The following APBB1IP variants were observed in gnomAD, a reference collection of about 807,000 sequenced individuals.
APBB1IP encodes the protein amyloid beta A4 precursor protein-binding family B member 1-interacting protein.
Under a neutral mutation model 64.9 loss-of-function variants are expected in APBB1IP, and 27 were observed. That is an observed-to-expected ratio of 0.42 (90% confidence interval 0.31 to 0.57). The LOEUF (loss-of-function observed/expected upper bound fraction) is 0.57, where lower values mean the gene tolerates loss of function less well. Ranked by LOEUF, APBB1IP falls within the 20% of genes least tolerant of loss-of-function variation. The pLI is 0.20. For synonymous variants in APBB1IP, 392 were observed against 331.0 expected (o/e 1.18, Z -2.00); for missense variants, 812 against 845.5 (o/e 0.96, Z 0.49).
chr10:26,445,334 A>G lies in APBB1IP; in HGVS notation c.-1+6481A>G, dbSNP rs147668418. 6.8e-3 allele frequency among the ~76,000 whole-genome samples: 1,030 copies of G among 152,360 alleles called. 8 individuals carry two copies. The highest frequency in any genetic ancestry group is 0.024 in the African/African-American group (978 of 41,586). ...AGCTAATCAGCAATTTTCTACCTCC[A>G]TAATAATCAAAACAATGGAAATTAT... On this transcript the variant is annotated intron_variant, in intron 2 of 14. Transcript: ENST00000376236.
rs142122381 is a variant in APBB1IP at position 26,506,654 on chromosome 10, C to T, written c.531+3380C>T. On this transcript the variant is annotated intron_variant, in intron 6 of 14. Transcript: ENST00000376236. ...GCCTGGCCTACTTTACTTATTTGTC[C>T]TATGTATTGCCCGTATCCCCTCCCC... is the stretch of plus-strand genomic sequence containing the variant. Among the ~76,000 whole-genome samples, 129 of 152,134 alleles carry T rather than the reference C, an allele frequency of 8.5e-4. 1 individual carries two copies. The highest frequency in any genetic ancestry group is 3.0e-3 in the African/African-American group (125 of 41,506).
At chr10:26,482,519 C>T (rs990062263) in intron 2 of APBB1IP, among the ~76,000 whole-genome samples, 2 of 152,166 alleles carry the variant, frequency 1.3e-5, no homozygotes, top group Admixed American at 6.6e-5. Flanking sequence ...ACAGTTTCCA[C>T]CAGCATTTGC....
At chr10:26,480,850 C>T (rs1385725843) in intron 2 of APBB1IP, among the ~76,000 whole-genome samples, 1 of 151,940 alleles carries the variant, frequency 6.6e-6, no homozygotes, top group Non-Finnish European at 1.5e-5. Flanking sequence ...AAAATAAAGA[C>T]AAGTAGGGGA....
chr10:26,549,935 T>G (rs1254908623), intron 11 of APBB1IP, among the ~76,000 whole-genome samples: 1 of 152,054 alleles, frequency 6.6e-6, no homozygotes, highest in Non-Finnish European at 1.5e-5. Context: ...AGATGCATCA[T>G]TAGATTGTTT....
At chr10:26,499,610 T>A (rs1238947942) in intron 4 of APBB1IP, among the ~76,000 whole-genome samples, 1 of 152,162 alleles carries the variant, frequency 6.6e-6, no homozygotes, top group Non-Finnish European at 1.5e-5. Context: ...GTTCATTACA[T>A]TCACTATATA....
intron 2 of APBB1IP, among the ~76,000 whole-genome samples, chr10:26,470,790 C>T (rs562254255): frequency 2.4e-4 from 36 of 152,252 alleles, no homozygotes; most frequent in African/African-American, 8.2e-4. Flanking sequence ...TCCAAACCCA[C>T]GGTCAGAGTC....
At chr10:26,566,842 C>T in intron 14 of APBB1IP, 119 bp from the exon 15 acceptor site, 4 of 1,149,152 alleles carry the variant, frequency 3.5e-6, no homozygotes, top group Non-Finnish European at 4.7e-6. Flanking sequence ...AAGTCCAGAT[C>T]GCGCCACTGC....
At chr10:26,530,808 G>C (rs1392596908) in intron 8 of APBB1IP, among the ~76,000 whole-genome samples, 3 of 152,230 alleles carry the variant, frequency 2.0e-5, no homozygotes, top group Admixed American at 6.5e-5. Flanking sequence ...CTATGTTACG[G>C]GGTTCTTGTG....
Position 26,536,187 on chromosome 10 carries a change from A to G in APBB1IP, c.1014A>G (p.Gly338=). The change falls in exon 10 of 15, where the codon GGA becomes GGG. Residue 338 remains glycine, a synonymous_variant. Transcript: ENST00000376236. ...GCTATTTTCTTTTACGGGCTTCTGG[A>G]ATTTATTATGTACCCAAAGGAAAGA... The part of the protein sequence containing the change: ...KRRYFLLRAS[G]IYYVPKGKTK... 6.2e-7 allele frequency: 1 copy of G among 1,602,768 alleles called. No homozygotes were observed. Among genetic ancestry groups the G allele is most frequent in the Non-Finnish European group, 8.5e-7 (1 of 1,176,374 alleles).
At chr10:26,520,220 T>C (rs1193594427) in intron 8 of APBB1IP, among the ~76,000 whole-genome samples, 6 of 152,218 alleles carry the variant, frequency 3.9e-5, no homozygotes, top group Admixed American at 3.9e-4. Context: ...TATGACACAG[T>C]ATGAAAGCCC....
At chr10:26,534,507 C>A (rs537126903) in intron 9 of APBB1IP, among the ~76,000 whole-genome samples, 2 of 152,132 alleles carry the variant, frequency 1.3e-5, no homozygotes, top group South Asian at 4.1e-4. Flanking sequence ...CTGGTGATGC[C>A]CTCGGCATCC....
chr10:26,496,321 T>C lies in APBB1IP; in HGVS notation c.90T>C (p.Thr30=), dbSNP rs374864811. 3.1e-6 allele frequency: 5 copies of C among 1,612,508 alleles called. No homozygotes were observed. Among genetic ancestry groups the C allele is most frequent in the Non-Finnish European group, 4.2e-6 (5 of 1,179,014 alleles). Residue 30 remains threonine (T), a synonymous_variant, in exon 4 of 15, where the codon ACT becomes ACC. Transcript: ENST00000376236. ...DLLTQSLGVD[T]LPPPDPNPPR... Reference sequence around the variant, plus strand: ...TTTCACAGAGTTTAGGAGTTGACACTCTCCCTCCTCCTGACCCTAATCCAC... The same window carrying C: ...TTTCACAGAGTTTAGGAGTTGACACCCTCCCTCCTCCTGACCCTAATCCAC...
intron 2 of APBB1IP, among the ~76,000 whole-genome samples, chr10:26,488,791 CAT>C (rs1835922998): frequency 2.0e-5 from 3 of 152,238 alleles, no homozygotes. Context: ...TCCCTGCACA[CAT>C]AGACCTAGAC....
At chr10:26,500,172 T>C (rs1042179265) in intron 4 of APBB1IP, among the ~76,000 whole-genome samples, 8 of 142,288 alleles carry the variant, frequency 5.6e-5, no homozygotes, top group African/African-American at 1.6e-4. Context: ...GATCTCACTA[T>C]GGCACTCCAG....
At chr10:26,504,213 C>G (rs546377477) in intron 6 of APBB1IP, among the ~76,000 whole-genome samples, 3 of 152,196 alleles carry the variant, frequency 2.0e-5, no homozygotes, top group African/African-American at 7.2e-5. Context: ...CCCAGGGTAC[C>G]AAATGCTGTT....
intron 2 of APBB1IP, among the ~76,000 whole-genome samples, chr10:26,447,456 G>A (rs999901432): frequency 6.6e-6 from 1 of 151,546 alleles, no homozygotes; most frequent in African/African-American, 2.4e-5. Flanking sequence ...CACCAGATGT[G>A]TAAAACACTT....
chr10:26,451,340 C>T (rs1835463646), intron 2 of APBB1IP, among the ~76,000 whole-genome samples: 1 of 152,176 alleles, frequency 6.6e-6, no homozygotes, highest in South Asian at 2.1e-4. Context: ...CCTCTCGCCT[C>T]AGCTTCCCGA....
chr10:26,513,704 ATT>A (rs35115529), intron 8 of APBB1IP, 44 bp downstream of exon 8: 26,494 of 1,335,208 alleles, frequency 0.02, no homozygotes, highest in Non-Finnish European at 0.022. Context: ...AGTACAAAGG[ATT>A]TTTTTTTTTT....
At chr10:26,452,965 T>C (rs1835481753) in intron 2 of APBB1IP, among the ~76,000 whole-genome samples, 1 of 152,252 alleles carries the variant, frequency 6.6e-6, no homozygotes, top group African/African-American at 2.4e-5. Flanking sequence ...AGATATACTA[T>C]CTTCATTTAA....
Sources: gnomAD v4.1 joint callset for allele counts (sites outside exome capture counted in the v4.1 genomes callset) on GRCh38, gnomAD v4.1.1 for gene constraint, MANE v1.5 for transcripts, NCBI Gene and HGNC (gene_info 2026-07-23, HGNC 2026-07-21) for gene names.